PPARD: variants seen among roughly 807,000 people sequenced by gnomAD.
PPARD encodes the protein peroxisome proliferator activated receptor delta, also known as peroxisome proliferator-activated receptor delta.
In PPARD, 6 loss-of-function variants were observed where a neutral mutation model predicts 39.5. The ratio of observed to expected loss-of-function variants is 0.15; its 90% CI spans 0.08 to 0.30. PPARD has a LOEUF of 0.30. Ranked by LOEUF, PPARD falls within the 10% of genes least tolerant of loss-of-function variation. The pLI is 1.00. For synonymous variants in PPARD, 210 were observed against 231.3 expected, an observed-to-expected ratio of 0.91 and a Z score of 0.83; for missense variants, 397 against 596.8, an observed-to-expected ratio of 0.67 and a Z score of 3.49.
intron 2 of PPARD, among the ~76,000 whole-genome samples, chr6:35,377,780 C>A (rs767265931): frequency 1.3e-5 from 2 of 152,010 alleles, no homozygotes; most frequent in Non-Finnish European, 2.9e-5. Context: ...TCTCCTTGAT[C>A]CCTCCCAGGA....
At chr6:35,397,180 C>T (rs1764382669) in intron 2 of PPARD, among the ~76,000 whole-genome samples, 1 of 150,470 alleles carries the variant, frequency 6.6e-6, no homozygotes, top group African/African-American at 2.5e-5. Flanking sequence ...CAGCACCTCC[C>T]CACCCCCACC....
chr6:35,383,365 G>A (rs1183810827), intron 2 of PPARD, among the ~76,000 whole-genome samples: 3 of 152,328 alleles, frequency 2.0e-5, no homozygotes, highest in Non-Finnish European at 4.4e-5. Flanking sequence ...GCAGTGGCGT[G>A]GTCCCGGCTC....
chr6:35,412,335 G>A lies in PPARD; in HGVS notation c.130+1118G>A, dbSNP rs1272631612. On this transcript the variant is annotated intron_variant, in intron 3 of 7. Transcript: ENST00000360694. The surrounding 1 kb of genome is among the most constrained non-coding windows in gnomAD (Gnocchi z 4.1). Reference sequence around the variant, plus strand: ...CGCTCCTCCCCTTAGAGGGAACTCAGGGTCATAAGGATATACTGCTGGGAG... The same window carrying A: ...CGCTCCTCCCCTTAGAGGGAACTCAAGGTCATAAGGATATACTGCTGGGAG... 6.6e-6 allele frequency among the ~76,000 whole-genome samples: 1 copy of A among 152,212 alleles called. No homozygotes were observed. Among genetic ancestry groups the A allele is most frequent in the Non-Finnish European group, 1.5e-5 (1 of 68,046 alleles).
chr6:35,425,050 A>G lies in PPARD; in HGVS notation c.1078+271A>G, dbSNP rs1766480026. The G allele has an allele frequency of 8.0e-7, 1 of 1,245,688 alleles. No homozygotes were observed. The highest frequency in any genetic ancestry group is 1.5e-5 in the African/African-American group (1 of 66,072). 77.2% of individuals were successfully genotyped at this position (1,245,688 alleles called of 1,614,324 possible). ...CACTTTGGCAGGCCGAGGCGGGTGG[A>G]TCACTTGAGGTCAGGAGTTCGAAAC... On this transcript the variant is annotated intron_variant, in intron 7 of 7. Coordinates refer to ENST00000360694, the MANE Select transcript of PPARD (RefSeq NM_006238.5). This position sits in a 1 kb window ranked among gnomAD's most constrained non-coding sequence, Gnocchi z 4.5.
chr6:35,372,233 A>G (rs993058454), intron 2 of PPARD, among the ~76,000 whole-genome samples: 3 of 152,308 alleles, frequency 2.0e-5, no homozygotes, highest in South Asian at 2.1e-4. Context: ...GCTGGAGTGG[A>G]GTGGCATGAT....
intron 2 of PPARD, among the ~76,000 whole-genome samples, chr6:35,406,313 C>T (rs1765045500): frequency 6.6e-6 from 1 of 152,134 alleles, no homozygotes; most frequent in African/African-American, 2.4e-5. Flanking sequence ...GTGGCAGCTA[C>T]CTGAGAAAAT....
intron 3 of PPARD, among the ~76,000 whole-genome samples, chr6:35,414,999 T>C (rs1378985346): frequency 6.6e-6 from 1 of 151,864 alleles, no homozygotes; most frequent in Non-Finnish European, 1.5e-5. Context: ...CGTGTAGGAG[T>C]AGAGACAGCT....
At chr6:35,371,523 A>C (rs1345479108) in intron 2 of PPARD, among the ~76,000 whole-genome samples, 3 of 152,064 alleles carry the variant, frequency 2.0e-5, no homozygotes, top group Non-Finnish European at 2.9e-5. Flanking sequence ...TGCTCTTTGC[A>C]TATCCCCTTT....
rs35852986 is a variant in PPARD at position 35,420,819 on chromosome 6, C to CTTTTTTTTT, written c.285+555_285+563dup. On this transcript the variant is annotated intron_variant, in intron 4 of 7. Coordinates refer to ENST00000360694, the MANE Select transcript of PPARD (RefSeq NM_006238.5). The stretch of plus-strand genomic sequence containing the variant: ...TTATGTTACCAAACTAACAAAGAAG[C>CTTTTTTTTT]TTTTTTTTTTTTTTTTTTTTTTTTT... Among the ~76,000 whole-genome samples the CTTTTTTTTT allele has an allele frequency of 1.0e-3, 88 of 85,740 alleles. 3 individuals carry two copies. The highest frequency in any genetic ancestry group is 1.3e-3 in the Non-Finnish European group (63 of 47,114). 56.2% of individuals were successfully genotyped at this position (85,740 alleles called of 152,430 possible). A position where few individuals can be genotyped will look rare whatever the true frequency, so the allele number is the denominator to read the frequency against.
At chr6:35,352,503 C>T (rs1025273014) in intron 2 of PPARD, among the ~76,000 whole-genome samples, 7 of 152,274 alleles carry the variant, frequency 4.6e-5, no homozygotes, top group Middle Eastern at 3.4e-3. Flanking sequence ...ATTTAAAAGA[C>T]AGATATCAAA....
At chr6:35,359,288 TCACAC>T (rs1164837007) in intron 2 of PPARD, among the ~76,000 whole-genome samples, 1 of 152,194 alleles carries the variant, frequency 6.6e-6, no homozygotes, top group Non-Finnish European at 1.5e-5. Flanking sequence ...CTCCTCCCCC[TCACAC>T]CACCTCACGA....
At position 35,427,321 on chromosome 6, in the gene PPARD, G is replaced by C. The variant is rs1766645638; in HGVS notation, c.*1242G>C. 6.5e-6 allele frequency: 1 copy of C among 154,022 alleles called. No individual in the cohort carries two copies. The highest frequency in any genetic ancestry group is 2.1e-4 in the South Asian group (1 of 4,856). The allele number at this position is 154,022 out of a possible 1,614,324, so 9.5% of individuals were successfully genotyped here. On this transcript the variant is annotated 3_prime_UTR_variant, in exon 8 of 8. Coordinates refer to ENST00000360694, the MANE Select transcript of PPARD (RefSeq NM_006238.5). The stretch of plus-strand genomic sequence containing the variant: ...CCTCCCTGAGGCAGGTGAGAACCCA[G>C]AGAGAGGGGCCTGCAGGTGAGCAGG...
In PPARD at chr6:35,426,362, T is replaced by C; in HGVS notation, c.*283T>C. 1 of 488,924 alleles carries C rather than the reference T, an allele frequency of 2.0e-6. No homozygotes were observed. The highest frequency in any genetic ancestry group is 3.7e-6 in the Non-Finnish European group (1 of 271,668). 30.3% of individuals were successfully genotyped at this position (488,924 alleles called of 1,614,324 possible). On this transcript the variant is annotated 3_prime_UTR_variant, in exon 8 of 8. Coordinates refer to ENST00000360694, the MANE Select transcript of PPARD (RefSeq NM_006238.5). ...TTCTTCCTTTCTGTAGGTTTCTCTC[T>C]TCCCTTCTCCCTTGCCCTCCCTTTC...
At chr6:35,368,531 G>A (rs1762321024) in intron 2 of PPARD, among the ~76,000 whole-genome samples, 1 of 152,172 alleles carries the variant, frequency 6.6e-6, no homozygotes. Context: ...TGGCGTCCAG[G>A]AACCTGCCTT....
chr6:35,402,743 T>C (rs979636029), intron 2 of PPARD, among the ~76,000 whole-genome samples: 15 of 152,072 alleles, frequency 9.9e-5, no homozygotes, highest in African/African-American at 3.6e-4. Context: ...CTTAAGAGGG[T>C]GGGGTGACCT....
At chr6:35,382,986 CAG>C (rs1396811155) in intron 2 of PPARD, among the ~76,000 whole-genome samples, 3 of 152,210 alleles carry the variant, frequency 2.0e-5, no homozygotes, top group African/African-American at 7.2e-5. Context: ...GCACCCGTAT[CAG>C]AGTGTGGAAA....
intron 2 of PPARD, among the ~76,000 whole-genome samples, chr6:35,373,412 A>G (rs1226458945): frequency 1.3e-5 from 2 of 152,194 alleles, no homozygotes; most frequent in East Asian, 1.9e-4. Flanking sequence ...AAGTGCCTTG[A>G]TGCCACAAGC....
intron 2 of PPARD, among the ~76,000 whole-genome samples, chr6:35,379,327 C>T (rs1763002032): frequency 6.6e-6 from 1 of 152,152 alleles, no homozygotes; most frequent in Non-Finnish European, 1.5e-5. Context: ...TAGTCTCGAA[C>T]TCCTGACCTT....
intron 2 of PPARD, chr6:35,349,016 C>G (rs1761059227): frequency 1.0e-6 from 1 of 981,286 alleles, no homozygotes; most frequent in Non-Finnish European, 1.2e-6. Flanking sequence ...AGGAACTTCT[C>G]TTCTCCTTTC....
Sources: allele counts gnomAD v4.1 joint callset (sites outside exome capture counted in the v4.1 genomes callset), GRCh38; gene constraint gnomAD v4.1.1; non-coding constraint Gnocchi (gnomAD v3.1); transcripts MANE v1.5; gene names NCBI Gene and HGNC (gene_info 2026-07-23, HGNC 2026-07-21).